Variants in FMN1 observed in about 807,000 individuals in gnomAD.
FMN1 encodes formin-1.
In FMN1, 110 loss-of-function variants were observed where a neutral mutation model predicts 132.4. The observed-to-expected ratio is 0.83, with a 90% CI of 0.71 to 0.97. The LOEUF (loss-of-function observed/expected upper bound fraction) is 0.97, where lower values mean the gene tolerates loss of function less well. Ranked by LOEUF, FMN1 falls within the 50% of genes least tolerant of loss-of-function variation. The probability of loss-of-function intolerance (pLI) is 0.00; values close to 1 mark genes in which losing one functional copy is unlikely to be tolerated. For missense variants in FMN1, 1,792 were observed against 1,705.3 expected (o/e 1.05, Z -0.90); for synonymous variants, 722 against 651.7 (o/e 1.11, Z -1.64).
At chr15:32,912,127 A>C (rs770239954) in intron 10 of FMN1, among the ~76,000 whole-genome samples, 1 of 152,254 alleles carries the variant, frequency 6.6e-6, no homozygotes, top group Non-Finnish European at 1.5e-5. Flanking sequence ...CATCCTGGGT[A>C]ACTATATATT....
chr15:32,933,218 G>T (rs1180343763), intron 9 of FMN1, among the ~76,000 whole-genome samples: 1 of 151,880 alleles, frequency 6.6e-6, no homozygotes, highest in African/African-American at 2.4e-5. Flanking sequence ...TTTCCCTTTT[G>T]GTTTCTTCTT....
rs34796530 is a variant in FMN1, at chr15:32,773,746, A to AT, written c.*563dup. 3,257 of 152,416 alleles carry AT rather than the reference A, an allele frequency of 0.021. 52 individuals carry two copies. Among genetic ancestry groups the AT allele is most frequent in the Non-Finnish European group, 0.031 (2,101 of 68,158 alleles). The allele number at this position is 152,416 out of a possible 1,614,324, so 9.4% of individuals were successfully genotyped here. A position where few individuals can be genotyped will look rare whatever the true frequency, so the allele number is the denominator to read the frequency against. ...ACGTAAACCATAACAACAAAAAATC[A>AT]TTTTTTTAGTCTGGATAATACATGT... On this transcript the variant is annotated 3_prime_UTR_variant, in exon 21 of 21. Transcript: ENST00000616417.
intron 4 of FMN1, among the ~76,000 whole-genome samples, chr15:33,140,129 A>G (rs184854499): frequency 2.4e-3 from 372 of 152,108 alleles, no homozygotes; most frequent in Non-Finnish European, 2.5e-3. Flanking sequence ...CTGAAAGAAA[A>G]GCAATTAACA....
intron 4 of FMN1, among the ~76,000 whole-genome samples, chr15:33,115,404 T>A (rs1193962342): frequency 3.9e-5 from 6 of 152,148 alleles, no homozygotes; most frequent in African/African-American, 1.4e-4. Context: ...CGGACTGGTA[T>A]GTGGGTTGCT....
intron 9 of FMN1, among the ~76,000 whole-genome samples, chr15:32,948,408 G>A (rs1005455588): frequency 6.6e-6 from 1 of 151,828 alleles, no homozygotes; most frequent in African/African-American, 2.4e-5. Flanking sequence ...GTCTGGTTGT[G>A]CTATCAAGAT....
chr15:33,077,339 CT>C (rs1286397800), intron 5 of FMN1, among the ~76,000 whole-genome samples: 2,248 of 127,994 alleles, frequency 0.018, 44 homozygotes, highest in African/African-American at 0.053. Context: ...CCGGCCCATC[CT>C]TTTTTTTTTT....
intron 4 of FMN1, among the ~76,000 whole-genome samples, chr15:33,127,711 C>T (rs181926208): frequency 6.6e-6 from 1 of 152,282 alleles, no homozygotes; most frequent in East Asian, 1.9e-4. Flanking sequence ...TATGCTGAAC[C>T]TGTGGTTTCA....
intron 4 of FMN1, among the ~76,000 whole-genome samples, chr15:33,126,369 G>A (rs1421386277): frequency 2.6e-5 from 4 of 152,186 alleles, no homozygotes; most frequent in Non-Finnish European, 5.9e-5. Flanking sequence ...GTCCAGCAGA[G>A]CAGCACGCAG....
intron 6 of FMN1, among the ~76,000 whole-genome samples, chr15:33,011,633 A>G (rs2034729510): frequency 6.6e-6 from 1 of 152,174 alleles, no homozygotes; most frequent in Admixed American, 6.5e-5. Context: ...AGAGAAACAG[A>G]TTGACAATAG....
At chr15:32,846,653 G>A (rs1027558563) in intron 17 of FMN1, among the ~76,000 whole-genome samples, 2 of 152,150 alleles carry the variant, frequency 1.3e-5, no homozygotes, top group Non-Finnish European at 2.9e-5. Flanking sequence ...ACAGTGTGGC[G>A]ATTCCTCAAG....
intron 17 of FMN1, among the ~76,000 whole-genome samples, chr15:32,823,380 G>T (rs1322239327): frequency 6.6e-6 from 1 of 151,894 alleles, no homozygotes; most frequent in Non-Finnish European, 1.5e-5. Context: ...TAGCCAGGAA[G>T]GTCTCGATCT....
At chr15:32,889,496 A>G (rs771404045) in intron 15 of FMN1, among the ~76,000 whole-genome samples, 35 of 152,144 alleles carry the variant, frequency 2.3e-4, no homozygotes, top group Non-Finnish European at 4.0e-4. Flanking sequence ...CTCTGTCTAC[A>G]TCTCTGGCCT....
chr15:33,140,367 A>G (rs1963959927), intron 4 of FMN1, among the ~76,000 whole-genome samples: 1 of 148,086 alleles, frequency 6.8e-6, no homozygotes, highest in South Asian at 2.2e-4. Flanking sequence ...TTAGTGGTAC[A>G]TCAAAAAAGA....
chr15:33,083,210 G>A (rs1408740994), intron 5 of FMN1, among the ~76,000 whole-genome samples: 1 of 152,168 alleles, frequency 6.6e-6, no homozygotes, highest in Non-Finnish European at 1.5e-5. Context: ...AAGAGCCATA[G>A]AAGTAGTAAT....
intron 6 of FMN1, among the ~76,000 whole-genome samples, chr15:33,055,632 C>A (rs576204928): frequency 4.7e-4 from 70 of 150,218 alleles, no homozygotes; most frequent in Admixed American, 1.1e-3. Context: ...ACAAAAAAAT[C>A]AACGCCCAGA....
intron 7 of FMN1, among the ~76,000 whole-genome samples, chr15:32,990,915 T>TATTTAATTA (rs2033394682): frequency 6.6e-6 from 1 of 152,034 alleles, no homozygotes; most frequent in African/African-American, 2.4e-5. Flanking sequence ...GGGTAACTGC[T>TATTTAATTA]CCCATGATTT....
chr15:32,910,551 A>C lies in FMN1; in HGVS notation c.3227-16T>G, dbSNP rs1230886377. ...TTGAAAATGGCTGCCAAGCACCCAA[A>C]AAGAAAAGAGGATAAGGGATTTGAT... On this transcript the variant is annotated splice_polypyrimidine_tract_variant and intron_variant, in intron 10 of 20. Coordinates refer to ENST00000616417, the MANE Select transcript of FMN1 (RefSeq NM_001277313.2). The C allele has an allele frequency of 6.4e-7, 1 of 1,557,198 alleles. No homozygotes were observed. The highest frequency in any genetic ancestry group is 2.4e-5 in the East Asian group (1 of 41,734).
chr15:33,125,704 CAA>C lies in FMN1; in HGVS notation c.1867+27342_1867+27343del, dbSNP rs58963131. On this transcript the variant is annotated intron_variant, in intron 4 of 20. Coordinates refer to ENST00000616417, the MANE Select transcript of FMN1 (RefSeq NM_001277313.2). ...AAATACAAAAATTAGTCAGGTGTCT[CAA>C]AAAAAAAAAAAAATTAAGAATGAAG... is the stretch of plus-strand genomic sequence containing the variant. Among the ~76,000 whole-genome samples the C allele has an allele frequency of 6.5e-3, 931 of 144,222 alleles. 7 individuals carry two copies. The highest frequency in any genetic ancestry group is 0.018 in the African/African-American group (695 of 39,504). The allele number at this position is 144,222 out of a possible 152,430, so 94.6% of individuals were successfully genotyped here. A position where few individuals can be genotyped will look rare whatever the true frequency, so the allele number is the denominator to read the frequency against.
Position 32,972,074 on chromosome 15 carries a change from A to T in FMN1, c.2224-2597T>A, listed in dbSNP as rs116255852. On this transcript the variant is annotated intron_variant, in intron 7 of 20. Transcript: ENST00000616417. ...ATGGGGATAATAAAATGTACCTGAC[A>T]GAGCGGATATGCCAGGGAGGCAAAT... Among the ~76,000 whole-genome samples, 636 of 152,342 alleles carry T rather than the reference A, an allele frequency of 4.2e-3. 3 individuals carry two copies. The highest frequency in any genetic ancestry group is 0.015 in the African/African-American group (609 of 41,584).
Sources: gnomAD v4.1 joint callset for allele counts (sites outside exome capture counted in the v4.1 genomes callset) on GRCh38, gnomAD v4.1.1 for gene constraint, MANE v1.5 for transcripts, NCBI Gene and HGNC (gene_info 2026-07-23, HGNC 2026-07-21) for gene names.